The following DMD variants were observed in gnomAD, a reference collection of about 807,000 sequenced individuals.
DMD encodes dystrophin.
Under a neutral mutation model 330.1 loss-of-function variants are expected in DMD, and 63 were observed. The observed-to-expected ratio is 0.19, with a 90% confidence interval of 0.16 to 0.24. The LOEUF is 0.24. Ranked by LOEUF, DMD falls within the 10% of genes least tolerant of loss-of-function variation. The pLI, the probability that DMD is intolerant of heterozygous loss-of-function variation, is 1.00. For missense variants in DMD, 3,344 were observed against 2,684.1 expected, an observed-to-expected ratio of 1.25 and a Z score of -5.43; for synonymous variants, 1,223 against 959.8, an observed-to-expected ratio of 1.27 and a Z score of -5.07.
At chrX:31,562,142 C>T (rs2075232051) in intron 55 of DMD, among the ~76,000 whole-genome samples, 1 of 112,123 alleles carries the variant, frequency 8.9e-6, no homozygotes, top group Admixed American at 9.5e-5. Context: ...GTAGACACAG[C>T]TCTAACTAGA....
At chrX:31,426,709 G>T (rs1569541059) in intron 60 of DMD, among the ~76,000 whole-genome samples, 1 of 111,804 alleles carries the variant, frequency 8.9e-6, no homozygotes, top group African/African-American at 3.3e-5. Flanking sequence ...GTAATTACAG[G>T]GGTAATCATG....
chrX:32,567,593 C>T (rs1482523867), intron 15 of DMD, among the ~76,000 whole-genome samples: 1 of 112,096 alleles, frequency 8.9e-6, no homozygotes. Flanking sequence ...ACAGGAGTCT[C>T]AACATGTTGG....
chrX:31,206,795 A>G, intron 65 of DMD, 128 bp from the exon 66 acceptor site: 1 of 536,513 alleles, frequency 1.9e-6, no homozygotes, highest in Non-Finnish European at 3.3e-6. Flanking sequence ...TGTGAACTCT[A>G]TTGACCACTG....
Position 32,838,340 on chromosome X carries a change from G to A in DMD, c.264+6443C>T, listed in dbSNP as rs192019140. Among the ~76,000 whole-genome samples, 162 of 110,778 alleles carry A rather than the reference G, an allele frequency of 1.5e-3. 1 individual carries two copies. Among genetic ancestry groups the A allele is most frequent in the African/African-American group, 4.9e-3 (148 of 30,424 alleles). ...TATACACCTGCGATAGTGGTTTGCT[G>A]TACCCATAGACCCGTCACCTACATT... On this transcript the variant is annotated intron_variant, in intron 4 of 78. Transcript: ENST00000357033.
chrX:32,879,021 A>AAAAAAAAAAAAAAAAAAAAAAC (rs1352069437), intron 2 of DMD, among the ~76,000 whole-genome samples: 66 of 101,700 alleles, frequency 6.5e-4, no homozygotes, highest in Non-Finnish European at 7.6e-4. Context: ...AAAAAAACAA[A>AAAAAAAAAAAAAAAAAAAAAAC]AAACAAAAAA....
chrX:31,560,975 C>G (rs948906519), intron 55 of DMD, among the ~76,000 whole-genome samples: 1 of 111,092 alleles, frequency 9.0e-6, no homozygotes, highest in Non-Finnish European at 1.9e-5. Context: ...TTAGATTTTT[C>G]AATGTGTTGG....
chrX:31,426,654 C>T (rs2063735721), intron 60 of DMD, among the ~76,000 whole-genome samples: 1 of 111,952 alleles, frequency 8.9e-6, no homozygotes, highest in African/African-American at 3.3e-5. Flanking sequence ...TCAGTGTTAT[C>T]TGGTGGCCTC....
chrX:31,581,595 C>A (rs1222226106), intron 55 of DMD, among the ~76,000 whole-genome samples: 2 of 111,724 alleles, frequency 1.8e-5, no homozygotes, highest in Non-Finnish European at 3.8e-5. Flanking sequence ...GTTTTATATT[C>A]TCTGGTTATA....
intron 57 of DMD, among the ~76,000 whole-genome samples, chrX:31,481,293 T>C: frequency 8.9e-6 from 1 of 112,159 alleles, no homozygotes; most frequent in Non-Finnish European, 1.9e-5. Context: ...GGCACAGGAA[T>C]ATGTGTGCTT....
At chrX:31,556,602 C>A (rs1170660916) in intron 55 of DMD, among the ~76,000 whole-genome samples, 1 of 107,993 alleles carries the variant, frequency 9.3e-6, no homozygotes, top group Non-Finnish European at 1.9e-5. Flanking sequence ...GAGAAAAAGT[C>A]TTTAAATATA....
At chrX:33,284,226 T>G (rs1245761875) in intron 1 of DMD, among the ~76,000 whole-genome samples, 10 of 110,746 alleles carry the variant, frequency 9.0e-5, no homozygotes, top group Non-Finnish European at 1.7e-4. Flanking sequence ...GCGTAAGCCT[T>G]TCTATAGATG....
chrX:31,625,410 A>G (rs753628168), intron 55 of DMD, among the ~76,000 whole-genome samples: 3 of 111,772 alleles, frequency 2.7e-5, no homozygotes, highest in East Asian at 2.8e-4. Context: ...CCTCGGGTAC[A>G]CTGAAAGTTA....
chrX:32,623,569 C>T (rs1036746376), intron 11 of DMD, among the ~76,000 whole-genome samples: 1 of 106,006 alleles, frequency 9.4e-6, no homozygotes, highest in Non-Finnish European at 1.9e-5. Flanking sequence ...ATTCTGTTAC[C>T]CAGGCTCGAG....
In DMD at chrX:32,178,799, CTTCTTT is replaced by C. The variant is rs781579375; in HGVS notation, c.6438+38111_6438+38116del. 3.4e-3 allele frequency among the ~76,000 whole-genome samples: 360 copies of C among 104,608 alleles called. 2 individuals carry two copies. Among genetic ancestry groups the C allele is most frequent in the Non-Finnish European group, 5.4e-3 (275 of 51,318 alleles). The allele number at this position is 104,608 out of a possible 115,157, so 90.8% of individuals were successfully genotyped here. ...CATGTTGGGACAAATGACAGATCTT[CTTCTTT>C]TTAAGGCTGAAAAATATTCCAGGGG... On this transcript the variant is annotated intron_variant, in intron 44 of 78. Transcript: ENST00000357033.
intron 2 of DMD, among the ~76,000 whole-genome samples, chrX:32,926,578 C>T (rs1224131341): frequency 9.1e-6 from 1 of 109,912 alleles, no homozygotes; most frequent in East Asian, 2.9e-4. Flanking sequence ...AGTGAAACCC[C>T]GTCTCTACTA....
chrX:32,666,000 G>C (rs1386561380), intron 9 of DMD, among the ~76,000 whole-genome samples: 2 of 111,205 alleles, frequency 1.8e-5, no homozygotes, highest in Non-Finnish European at 3.8e-5. Flanking sequence ...GAACCTGACT[G>C]CTGCCATAAG....
In DMD at chrX:32,831,201, G is replaced by A. The variant is rs762291988; in HGVS notation, c.265-7814C>T. On this transcript the variant is annotated intron_variant, in intron 4 of 78. Coordinates refer to ENST00000357033, the MANE Select transcript of DMD (RefSeq NM_004006.3). ...TTGTTCGAGACAGGCAAAAAACCTC[G>A]CTGTTTTCTTTTATCCCACTTTCCT... 6.3e-5 allele frequency among the ~76,000 whole-genome samples: 7 copies of A among 110,554 alleles called. No homozygotes were observed. In the South Asian group the frequency reaches 1.5e-3, roughly 24 times the overall value.
At chrX:31,664,379 A>G (rs1386991089) in intron 53 of DMD, among the ~76,000 whole-genome samples, 1 of 111,714 alleles carries the variant, frequency 9.0e-6, no homozygotes, top group Non-Finnish European at 1.9e-5. Context: ...TGATTCAGTT[A>G]CCAAAAGCCA....
At chrX:32,220,328 C>T (rs1306913945) in intron 43 of DMD, among the ~76,000 whole-genome samples, 2 of 111,613 alleles carry the variant, frequency 1.8e-5, no homozygotes, top group Non-Finnish European at 3.8e-5. Context: ...TTACAGCATG[C>T]AACTGCTAAA....
Sources: gnomAD v4.1 joint callset for allele counts (sites outside exome capture counted in the v4.1 genomes callset) on GRCh38, gnomAD v4.1.1 for gene constraint, MANE v1.5 for transcripts, NCBI Gene and HGNC (gene_info 2026-07-23, HGNC 2026-07-21) for gene names.